The following GREB1L variants were observed in gnomAD, a reference collection of about 807,000 sequenced individuals.
GREB1L encodes GREB1-like protein.
In GREB1L, 17 loss-of-function variants were observed where a neutral mutation model predicts 200.8. The observed-to-expected ratio is 0.08, with a 90% confidence interval of 0.06 to 0.13. The LOEUF is 0.13. Among genes scored for constraint, GREB1L ranks in the 10% least tolerant of loss-of-function variants. The pLI, the probability that GREB1L is intolerant of heterozygous loss-of-function variation, is 1.00. For synonymous variants in GREB1L, 789 were observed against 893.0 expected (o/e 0.88, Z 2.08); for missense variants, 1,657 against 2,367.7 (o/e 0.70, Z 6.23).
intron 7 of GREB1L, among the ~76,000 whole-genome samples, chr18:21,410,610 G>A (rs909408956): frequency 2.0e-5 from 3 of 151,422 alleles, no homozygotes; most frequent in African/African-American, 4.8e-5. Context: ...AGCCAAGATC[G>A]TGCCACTGCA....
chr18:21,431,778 A>C (rs2033167684), intron 7 of GREB1L, among the ~76,000 whole-genome samples: 1 of 151,738 alleles, frequency 6.6e-6, no homozygotes, highest in Non-Finnish European at 1.5e-5. Context: ...TCTTTGCTTC[A>C]TTTATTTGGG....
chr18:21,505,808 A>T lies in GREB1L; in HGVS notation c.4229-2A>T. ...GATGGCTTTTTGCCCCTTTATACAC[A>T]GAAGTGATAAAGGAATCCAAAGTTG... On this transcript the variant is annotated splice_acceptor_variant, in intron 24 of 32. Transcript: ENST00000424526. LOFTEE classifies it high-confidence loss of function. 2 of 1,551,266 alleles carry T rather than the reference A, an allele frequency of 1.3e-6. No individual in the cohort carries two copies. The highest frequency in any genetic ancestry group is 1.7e-6 in the Non-Finnish European group (2 of 1,146,638).
chr18:21,413,580 G>A (rs1055549921), intron 7 of GREB1L, among the ~76,000 whole-genome samples: 13 of 151,988 alleles, frequency 8.6e-5, no homozygotes, highest in African/African-American at 2.7e-4. Context: ...TCCTTTACAC[G>A]GTAAACTCCT....
chr18:21,443,669 CAG>C (rs2034040205), intron 10 of GREB1L, among the ~76,000 whole-genome samples: 1 of 152,136 alleles, frequency 6.6e-6, no homozygotes, highest in South Asian at 2.1e-4. Flanking sequence ...CCATGAGAAA[CAG>C]AGATAATATG....
rs1219255562 is a variant in GREB1L, at chr18:21,496,670, C to T, written c.3363C>T (p.Ser1121=). The stretch of plus-strand genomic sequence containing the variant: ...TCATCGACCTGGAGCGGCCCCAGAG[C>T]AACAGCAGCGCTGTCACAGGGACCT... ...ELLIDLERPQ[S]NSSAVTGTSG... is the part of the protein sequence containing the mutation. Residue 1121 remains serine (S), a synonymous_variant, in exon 21 of 33, where the codon AGC becomes AGT. Transcript: ENST00000424526. 1.9e-6 allele frequency: 3 copies of T among 1,551,560 alleles called. No individual in the cohort carries two copies. The highest frequency in any genetic ancestry group is 2.4e-5 in the South Asian group (2 of 84,054).
At chr18:21,324,833 T>C (rs976215876) in intron 1 of GREB1L, among the ~76,000 whole-genome samples, 1 of 152,070 alleles carries the variant, frequency 6.6e-6, no homozygotes, top group Non-Finnish European at 1.5e-5. Flanking sequence ...ACAAACAAAA[T>C]GCTTCTAAGG....
Position 21,309,115 on chromosome 18 carries a change from CAGA to C in GREB1L, c.-119-56906_-119-56904del, listed in dbSNP as rs545147038. 2.9e-4 allele frequency among the ~76,000 whole-genome samples: 44 copies of C among 152,338 alleles called. No individual in the cohort carries two copies. In the East Asian group the frequency reaches 8.5e-3, roughly 29 times the overall value. On this transcript the variant is annotated intron_variant, in intron 1 of 32. Transcript: ENST00000424526. ...TAAAACATACTCAGTGGATATACTT[CAGA>C]AGAAGGAGCCTGTAGTTAAATAGAC...
chr18:21,449,219 A>G (rs1490968260), intron 11 of GREB1L, among the ~76,000 whole-genome samples: 3 of 152,214 alleles, frequency 2.0e-5, no homozygotes, highest in Non-Finnish European at 4.4e-5. Flanking sequence ...CTCCGAGGGC[A>G]TACAGTGGAA....
rs544960954 is a variant in GREB1L, at chr18:21,325,862, G to A, written c.-119-40165G>A. On this transcript the variant is annotated intron_variant, in intron 1 of 32. Coordinates refer to ENST00000424526, the MANE Select transcript of GREB1L (RefSeq NM_001142966.3). Reference sequence around the variant, plus strand: ...AAAAAAGTCCCATGTCCCAGACTACGGGGTTCACATGCGCAAAAACATTCT... The same window carrying A: ...AAAAAAGTCCCATGTCCCAGACTACAGGGTTCACATGCGCAAAAACATTCT... Among the ~76,000 whole-genome samples, 14 of 148,458 alleles carry A rather than the reference G, an allele frequency of 9.4e-5. No individual in the cohort carries two copies. In the South Asian group the frequency reaches 3.0e-3, roughly 32 times the overall value.
intron 1 of GREB1L, among the ~76,000 whole-genome samples, chr18:21,336,169 A>T (rs1289109922): frequency 6.6e-6 from 1 of 152,162 alleles, no homozygotes; most frequent in Non-Finnish European, 1.5e-5. Flanking sequence ...TGTAATAGCC[A>T]ACTCTGTTCA....
chr18:21,521,633 C>G (rs947467600), intron 32 of GREB1L, among the ~76,000 whole-genome samples: 12 of 151,998 alleles, frequency 7.9e-5, no homozygotes. Flanking sequence ...GATTGTCGCA[C>G]TGGAGGCTGC....
At chr18:21,268,566 T>C (rs935588306) in intron 1 of GREB1L, among the ~76,000 whole-genome samples, 7,881 of 79,438 alleles carry the variant, frequency 0.099, 321 homozygotes, top group Non-Finnish European at 0.15. Flanking sequence ...CACACATATA[T>C]ATATATATAT....
Position 21,490,258 on chromosome 18 carries a change from C to G in GREB1L, c.2937C>G (p.Arg979=). ...CCAAGGAGCGGCTACAGGAGGTGCG[C>G]GACAAACTGGGTCTGCAGTATCGGT... is the stretch of plus-strand genomic sequence containing the variant. ...MLAKERLQEV[R]DKLGLQYRFE... is the part of the protein sequence containing the mutation. The change falls in exon 19 of 33, where the codon CGC becomes CGG. Residue 979 remains arginine, a synonymous_variant. Transcript: ENST00000424526. The G allele has an allele frequency of 6.4e-7, 1 of 1,551,682 alleles. No individual in the cohort carries two copies. Among genetic ancestry groups the G allele is most frequent in the Non-Finnish European group, 8.7e-7 (1 of 1,147,002 alleles).
chr18:21,320,247 A>G (rs2038931118), intron 1 of GREB1L, among the ~76,000 whole-genome samples: 1 of 152,220 alleles, frequency 6.6e-6, no homozygotes, highest in Non-Finnish European at 1.5e-5. Flanking sequence ...AATGAAGAAT[A>G]CTAACACCCA....
chr18:21,461,999 A>G (rs2035065008), intron 15 of GREB1L, among the ~76,000 whole-genome samples: 1 of 152,222 alleles, frequency 6.6e-6, no homozygotes, highest in South Asian at 2.1e-4. Flanking sequence ...CCTTTAGGGA[A>G]CACGGTGACT....
intron 2 of GREB1L, among the ~76,000 whole-genome samples, chr18:21,373,105 T>A (rs1266876211): frequency 6.6e-6 from 1 of 152,038 alleles, no homozygotes; most frequent in Admixed American, 6.6e-5. Flanking sequence ...GCTTCCTAGG[T>A]GGTGAGTGTG....
intron 1 of GREB1L, among the ~76,000 whole-genome samples, chr18:21,314,590 G>A (rs1225098400): frequency 6.6e-6 from 1 of 152,114 alleles, no homozygotes; most frequent in East Asian, 1.9e-4. Flanking sequence ...TTATGACTTC[G>A]TATTTCCTAA....
intron 13 of GREB1L, among the ~76,000 whole-genome samples, chr18:21,451,761 G>T (rs2034537878): frequency 1.3e-5 from 2 of 151,928 alleles, no homozygotes; most frequent in African/African-American, 4.8e-5. Context: ...CTTCCAAAGT[G>T]CTGGGATTAC....
chr18:21,341,545 A>C (rs893986833), intron 1 of GREB1L, among the ~76,000 whole-genome samples: 19 of 152,094 alleles, frequency 1.2e-4, no homozygotes, highest in Admixed American at 1.2e-3. Flanking sequence ...ATAATTTTTT[A>C]AATCTTTTGT....
Sources: allele counts gnomAD v4.1 joint callset (sites outside exome capture counted in the v4.1 genomes callset), GRCh38; gene constraint gnomAD v4.1.1; transcripts MANE v1.5; gene names NCBI Gene and HGNC (gene_info 2026-07-23, HGNC 2026-07-21).